The following PHF24 variants were observed in gnomAD, a reference collection of about 807,000 sequenced individuals.
PHF24 encodes Galpha inhibitory interacting protein.
Under a neutral mutation model 42.6 loss-of-function variants are expected in PHF24, and 25 were observed. That is an observed-to-expected ratio of 0.59 (90% CI 0.43 to 0.82). PHF24 has a LOEUF of 0.82. Among genes scored for constraint, PHF24 ranks in the 40% least tolerant of loss-of-function variants. The probability of loss-of-function intolerance (pLI) is 0.00; values close to 1 mark genes in which losing one functional copy is unlikely to be tolerated. For missense variants in PHF24, 470 were observed against 538.1 expected (o/e 0.87, Z 1.25); for synonymous variants, 185 against 204.8 (o/e 0.90, Z 0.83).
chr9:34,773,665 TATG>T, the PHF24 span, among the ~76,000 whole-genome samples: 1 of 152,172 alleles, frequency 6.6e-6, no homozygotes, highest in Admixed American at 6.5e-5. Flanking sequence ...CTTGATATGA[TATG>T]ATGAAAATGG....
At chr9:34,785,029 T>G in the PHF24 span, among the ~76,000 whole-genome samples, 1 of 152,252 alleles carries the variant, frequency 6.6e-6, no homozygotes, top group Non-Finnish European at 1.5e-5. Flanking sequence ...ACTATCTTAG[T>G]CTGCTTGCGT....
At chr9:34,761,686 T>G in the PHF24 span, among the ~76,000 whole-genome samples, 1 of 152,188 alleles carries the variant, frequency 6.6e-6, no homozygotes, top group Non-Finnish European at 1.5e-5. Flanking sequence ...TTGTGCTGTT[T>G]GATTTTTTTA....
At chr9:34,763,957 A>G in the PHF24 span, among the ~76,000 whole-genome samples, 10 of 152,014 alleles carry the variant, frequency 6.6e-5, no homozygotes, top group Non-Finnish European at 1.5e-4. Flanking sequence ...TGAGATAATC[A>G]TGTGGTTTTT....
the PHF24 span, among the ~76,000 whole-genome samples, chr9:34,676,645 A>C: frequency 6.6e-6 from 1 of 152,230 alleles, no homozygotes; most frequent in African/African-American, 2.4e-5. Context: ...TTATAAAGAA[A>C]TACCTGAAAC....
the PHF24 span, among the ~76,000 whole-genome samples, chr9:34,871,828 T>C: frequency 6.6e-6 from 1 of 152,234 alleles, no homozygotes; most frequent in African/African-American, 2.4e-5. Context: ...GTAGTATCAG[T>C]CCTCCAACCT....
the PHF24 span, among the ~76,000 whole-genome samples, chr9:34,684,912 G>A: frequency 5.9e-5 from 9 of 152,210 alleles, no homozygotes; most frequent in East Asian, 1.7e-3. Context: ...GAGCCACGGG[G>A]AAGACCCAAA....
the PHF24 span, among the ~76,000 whole-genome samples, chr9:34,869,401 A>G: frequency 6.6e-6 from 1 of 151,966 alleles, no homozygotes; most frequent in African/African-American, 2.4e-5. Flanking sequence ...TTTCTCCACA[A>G]CCTGGCCAGC....
At chr9:34,924,605 T>G in the PHF24 span, among the ~76,000 whole-genome samples, 1 of 152,356 alleles carries the variant, frequency 6.6e-6, no homozygotes, top group Non-Finnish European at 1.5e-5. Context: ...CTGCTCTTTT[T>G]TGGTTTCCAT....
chr9:34,684,852 C>T, the PHF24 span, among the ~76,000 whole-genome samples: 1 of 152,132 alleles, frequency 6.6e-6, no homozygotes, highest in Non-Finnish European at 1.5e-5. Context: ...AGCTTTCCCA[C>T]CTCTGCCAGG....
intron 1 of PHF24, among the ~76,000 whole-genome samples, 177 bp from the exon 2 acceptor site, chr9:34,971,118 T>C (rs1826959959): frequency 6.6e-6 from 1 of 152,002 alleles, no homozygotes; most frequent in Non-Finnish European, 1.5e-5. Context: ...ATAAATAAAA[T>C]TTAGGAAAGA....
At chr9:34,706,669 G>A in the PHF24 span, among the ~76,000 whole-genome samples, 2 of 152,204 alleles carry the variant, frequency 1.3e-5, no homozygotes, top group Admixed American at 6.5e-5. Context: ...CAAATACCAG[G>A]CATGCAGGTG....
At chr9:34,691,567 G>A in the PHF24 span, among the ~76,000 whole-genome samples, 1 of 152,198 alleles carries the variant, frequency 6.6e-6, no homozygotes, top group Non-Finnish European at 1.5e-5. Context: ...CAACCATGAA[G>A]CTGGGGTTCA....
chr9:34,699,202 T>A, the PHF24 span, among the ~76,000 whole-genome samples: 1 of 152,218 alleles, frequency 6.6e-6, no homozygotes, highest in Admixed American at 6.5e-5. Flanking sequence ...CTCCTACTTG[T>A]GTTGTTTTCT....
At chr9:34,723,571 G>A in the PHF24 span, 4 of 1,551,786 alleles carry the variant, frequency 2.6e-6, no homozygotes, top group South Asian at 2.4e-5. Context: ...TTGTCTTGGG[G>A]TTAATATGCT....
chr9:34,891,966 G>A, the PHF24 span, among the ~76,000 whole-genome samples: 1 of 152,166 alleles, frequency 6.6e-6, no homozygotes, highest in Non-Finnish European at 1.5e-5. Context: ...AGGTGGGGAA[G>A]GAGGGGAGAT....
At chr9:34,976,251 A>C (rs368529105) in intron 4 of PHF24, 21 bp downstream of exon 4, 31 of 1,595,574 alleles carry the variant, frequency 1.9e-5, no homozygotes, top group Non-Finnish European at 2.7e-5. Context: ...GTGGTGCTGC[A>C]TGGATGGAGA....
chr9:34,881,896 A>G, the PHF24 span, among the ~76,000 whole-genome samples: 2 of 152,216 alleles, frequency 1.3e-5, no homozygotes, highest in Admixed American at 6.5e-5. Flanking sequence ...AAAGCCTGAC[A>G]GCGACACAAC....
chr9:34,864,433 C>T, the PHF24 span, among the ~76,000 whole-genome samples: 1 of 151,954 alleles, frequency 6.6e-6, no homozygotes, highest in African/African-American at 2.4e-5. Context: ...AATGGAGCTC[C>T]AATACATCTG....
At chr9:34,726,549 G>T in the PHF24 span, 2 of 1,551,760 alleles carry the variant, frequency 1.3e-6, no homozygotes, top group Non-Finnish European at 1.7e-6. Flanking sequence ...TGGTTCAGTG[G>T]AGCCCTTGGC....
Sources: allele counts gnomAD v4.1 joint callset (sites outside exome capture counted in the v4.1 genomes callset), GRCh38; gene constraint gnomAD v4.1.1; transcripts MANE v1.5; gene names NCBI Gene and HGNC (gene_info 2026-07-23, HGNC 2026-07-21).